The following HTR1F variants were observed in gnomAD, a reference collection of about 807,000 sequenced individuals.
The protein encoded by HTR1F is 5-hydroxytryptamine (serotonin) receptor 1F, G protein-coupled.
In HTR1F, 17 loss-of-function variants were observed where a neutral mutation model predicts 24.0. That is an observed-to-expected ratio of 0.71 (90% CI 0.48 to 1.06). HTR1F has a LOEUF of 1.06. HTR1F is among the 50% of genes least tolerant of loss of function. HTR1F has a pLI of 0.00. For missense variants in HTR1F, 391 were observed against 427.8 expected (o/e 0.91, Z 0.76); for synonymous variants, 186 against 156.8 (o/e 1.19, Z -1.39).
chr3:87,859,030 T>A (rs1205790001), intron 2 of HTR1F, among the ~76,000 whole-genome samples: 5 of 152,064 alleles, frequency 3.3e-5, no homozygotes, highest in Non-Finnish European at 7.4e-5. Context: ...ACCCTGTCTC[T>A]ACTAAAAATA....
At chr3:87,899,129 T>A (rs1706266662) in intron 2 of HTR1F, among the ~76,000 whole-genome samples, 1 of 152,166 alleles carries the variant, frequency 6.6e-6, no homozygotes, top group Admixed American at 6.5e-5. Context: ...ATTCTCAAAA[T>A]TAATTTAAAT....
At chr3:87,971,366 G>A (rs1576105114) in intron 2 of HTR1F, among the ~76,000 whole-genome samples, 2 of 152,024 alleles carry the variant, frequency 1.3e-5, no homozygotes, top group East Asian at 1.9e-4. Flanking sequence ...CCAGGAGCTT[G>A]AGATTAGCCT....
intron 2 of HTR1F, among the ~76,000 whole-genome samples, chr3:87,881,995 A>G (rs1705814134): frequency 6.6e-6 from 1 of 152,180 alleles, no homozygotes; most frequent in Non-Finnish European, 1.5e-5. Flanking sequence ...TCTACAATGA[A>G]CTCAAACAAA....
chr3:87,966,519 T>C (rs769384268), intron 2 of HTR1F, among the ~76,000 whole-genome samples: 2 of 152,222 alleles, frequency 1.3e-5, no homozygotes, highest in Non-Finnish European at 2.9e-5. Context: ...GTCTGTCACA[T>C]GGACACTCTT....
intron 2 of HTR1F, among the ~76,000 whole-genome samples, chr3:87,840,689 C>A (rs919383255): frequency 2.0e-5 from 3 of 150,088 alleles, no homozygotes; most frequent in Non-Finnish European, 4.4e-5. Context: ...CAATATTGTT[C>A]ATCATTAGAT....
rs1350435234 is a variant in HTR1F at position 87,993,605 on chromosome 3, A to T, written c.*1755A>T. On this transcript the variant is annotated 3_prime_UTR_variant, in exon 3 of 3. Transcript: ENST00000319595. ...CACTCCAGGTTGTGACAACATCAGG[A>T]TACAAACTGCACCATGCAAGTATTT... is the stretch of plus-strand genomic sequence containing the variant. 1 of 167,074 alleles carries T rather than the reference A, an allele frequency of 6.0e-6. No homozygotes were observed. Among genetic ancestry groups the T allele is most frequent in the African/African-American group, 2.4e-5 (1 of 41,452 alleles). 10.3% of individuals were successfully genotyped at this position (167,074 alleles called of 1,614,324 possible). A position where few individuals can be genotyped will look rare whatever the true frequency, so the allele number is the denominator to read the frequency against.
intron 2 of HTR1F, among the ~76,000 whole-genome samples, chr3:87,966,166 C>T (rs2107487345): frequency 6.6e-6 from 1 of 152,280 alleles, no homozygotes; most frequent in East Asian, 1.9e-4. Flanking sequence ...TCTTCTCACT[C>T]TAACCTCAGG....
At chr3:87,852,316 G>T (rs1313016333) in intron 2 of HTR1F, among the ~76,000 whole-genome samples, 1 of 151,378 alleles carries the variant, frequency 6.6e-6, no homozygotes, top group Non-Finnish European at 1.5e-5. Context: ...CTGTTTTATA[G>T]TTTATGCATT....
intron 2 of HTR1F, among the ~76,000 whole-genome samples, chr3:87,858,610 C>T (rs1033321696): frequency 3.3e-5 from 5 of 151,736 alleles, no homozygotes; most frequent in Non-Finnish European, 7.4e-5. Flanking sequence ...CTTGCAAGCA[C>T]CTGTAATTGC....
intron 2 of HTR1F, among the ~76,000 whole-genome samples, chr3:87,919,296 T>C (rs1013613120): frequency 2.0e-5 from 3 of 151,900 alleles, no homozygotes; most frequent in Admixed American, 6.6e-5. Flanking sequence ...GAAAACCCCT[T>C]CTAGACAATG....
intron 2 of HTR1F, among the ~76,000 whole-genome samples, chr3:87,906,081 A>G (rs139473678): frequency 2.0e-5 from 3 of 152,264 alleles, no homozygotes; most frequent in African/African-American, 7.2e-5. Flanking sequence ...ATTATTTTAC[A>G]GTAAAAAGAG....
intron 2 of HTR1F, among the ~76,000 whole-genome samples, chr3:87,969,512 C>A (rs1705241215): frequency 6.6e-6 from 1 of 152,176 alleles, no homozygotes; most frequent in Non-Finnish European, 1.5e-5. Context: ...CCTGTAGTCC[C>A]TTTGTTTTGG....
chr3:87,865,116 T>C (rs1046610052), intron 2 of HTR1F, among the ~76,000 whole-genome samples: 6 of 152,080 alleles, frequency 3.9e-5, no homozygotes, highest in African/African-American at 1.4e-4. Flanking sequence ...TATTTAGTCA[T>C]ACAGAAGCCT....
Position 87,935,446 on chromosome 3 carries a change from G to A in HTR1F, c.-42-55262G>A, listed in dbSNP as rs529917803. On this transcript the variant is annotated intron_variant, in intron 2 of 2. Transcript: ENST00000319595. Reference sequence around the variant, plus strand: ...TTTTTACCTAAATAATTCCACCAGGGTGAGGCTTCTGCAAGTGTCTTATCC... The same window carrying A: ...TTTTTACCTAAATAATTCCACCAGGATGAGGCTTCTGCAAGTGTCTTATCC... 2.6e-5 allele frequency among the ~76,000 whole-genome samples: 4 copies of A among 151,860 alleles called. No individual in the cohort carries two copies. The South Asian group carries it at 8.3e-4, about 32-fold the overall frequency.
chr3:87,931,850 T>G (rs1576049199), intron 2 of HTR1F, among the ~76,000 whole-genome samples: 1 of 150,354 alleles, frequency 6.7e-6, no homozygotes, highest in Non-Finnish European at 1.5e-5. Context: ...TGTCTTCTTT[T>G]GAGAAGTGTC....
intron 2 of HTR1F, among the ~76,000 whole-genome samples, chr3:87,847,723 C>A (rs1234274744): frequency 6.6e-6 from 1 of 151,752 alleles, no homozygotes; most frequent in Non-Finnish European, 1.5e-5. Context: ...GTCTCTGGTA[C>A]CCATCATTCT....
At chr3:87,960,350 C>T (rs1576091627) in intron 2 of HTR1F, among the ~76,000 whole-genome samples, 1 of 151,796 alleles carries the variant, frequency 6.6e-6, no homozygotes, top group East Asian at 1.9e-4. Context: ...TAGTAGCTGC[C>T]CAGATGGTTT....
At chr3:87,862,920 G>A (rs541112583) in intron 2 of HTR1F, among the ~76,000 whole-genome samples, 10 of 151,914 alleles carry the variant, frequency 6.6e-5, no homozygotes, top group East Asian at 1.9e-4. Flanking sequence ...AGATTCAACC[G>A]ATTATCCTGC....
intron 2 of HTR1F, among the ~76,000 whole-genome samples, chr3:87,877,421 G>C (rs1423156940): frequency 1.3e-5 from 2 of 151,830 alleles, no homozygotes; most frequent in African/African-American, 4.8e-5. Flanking sequence ...TGAATTGAAA[G>C]AAAAAACATT....
Sources: gnomAD v4.1 joint callset for allele counts (sites outside exome capture counted in the v4.1 genomes callset) on GRCh38, gnomAD v4.1.1 for gene constraint, MANE v1.5 for transcripts, NCBI Gene and HGNC (gene_info 2026-07-23, HGNC 2026-07-21) for gene names.